MLYCD: variants seen among roughly 807,000 people sequenced by gnomAD.
MLYCD encodes malonyl-CoA decarboxylase, mitochondrial.
In MLYCD, 27 loss-of-function variants were observed where a neutral mutation model predicts 35.8. The observed-to-expected ratio is 0.75, with a 90% CI of 0.56 to 1.04. The LOEUF (loss-of-function observed/expected upper bound fraction) is 1.04, where lower values mean the gene tolerates loss of function less well. Among genes scored for constraint, MLYCD ranks in the 50% least tolerant of loss-of-function variants. The probability of loss-of-function intolerance (pLI) is 0.00; values close to 1 mark genes in which losing one functional copy is unlikely to be tolerated. For synonymous variants in MLYCD, 403 were observed against 302.4 expected (o/e 1.33, Z -3.45); for missense variants, 917 against 665.1 (o/e 1.38, Z -4.17).
In MLYCD at chr16:83,919,319, C is replaced by T. The variant is rs1355648924; in HGVS notation, c.*3830C>T. ...TTCACACAGTGCACAGGAGAACACA[C>T]ACAGTGCACAGAATTCATGCACACA... On this transcript the variant is annotated 3_prime_UTR_variant, in exon 5 of 5. Coordinates refer to ENST00000262430, the MANE Select transcript of MLYCD (RefSeq NM_012213.3). 4 of 148,842 alleles carry T rather than the reference C, an allele frequency of 2.7e-5. No homozygotes were observed. Among genetic ancestry groups the T allele is most frequent in the Non-Finnish European group, 4.4e-5 (3 of 67,672 alleles). The allele number at this position is 148,842 out of a possible 1,614,324, so 9.2% of individuals were successfully genotyped here. A position where few individuals can be genotyped will look rare whatever the true frequency, so the allele number is the denominator to read the frequency against.
rs1196557498 is a variant in MLYCD at position 83,921,697 on chromosome 16, T to G, written c.*6208T>G. On this transcript the variant is annotated 3_prime_UTR_variant, in exon 5 of 5. Transcript: ENST00000262430. ...CTCTTATCATCTGTTTACGTCTCACTCTTACTGTAGAACCTCTAGAAAGGC... is the reference window on the plus strand; with the variant it reads ...CTCTTATCATCTGTTTACGTCTCACGCTTACTGTAGAACCTCTAGAAAGGC... 1 of 152,220 alleles carries G rather than the reference T, an allele frequency of 6.6e-6. No individual in the cohort carries two copies. The highest frequency in any genetic ancestry group is 1.5e-5 in the Non-Finnish European group (1 of 68,038). The allele number at this position is 152,220 out of a possible 1,614,324, so 9.4% of individuals were successfully genotyped here.
At chr16:83,902,749 G>A (rs927970489) in intron 1 of MLYCD, among the ~76,000 whole-genome samples, 18 of 152,066 alleles carry the variant, frequency 1.2e-4, no homozygotes, top group Non-Finnish European at 2.1e-4. Context: ...CAGATGATCC[G>A]CCCGCCTTGG....
chr16:83,908,008 T>C, intron 2 of MLYCD, 118 bp from the exon 3 acceptor site: 1 of 1,292,886 alleles, frequency 7.7e-7, no homozygotes, highest in East Asian at 2.5e-5. Flanking sequence ...TCCAGAAGAG[T>C]CCATTAAAGC....
intron 1 of MLYCD, among the ~76,000 whole-genome samples, chr16:83,906,015 G>C (rs932371042): frequency 4.6e-5 from 7 of 152,134 alleles, no homozygotes; most frequent in Non-Finnish European, 7.4e-5. Flanking sequence ...GCAAAATTAG[G>C]ATAATTTCAT....
At chr16:83,902,944 T>A (rs768321132) in intron 1 of MLYCD, among the ~76,000 whole-genome samples, 33 of 152,134 alleles carry the variant, frequency 2.2e-4, no homozygotes, top group Non-Finnish European at 4.1e-4. Context: ...TAGGTGTGGG[T>A]ATGAGGATGT....
rs560874471 is a variant in MLYCD at position 83,924,462 on chromosome 16, G to T, written c.*8973G>T. ...AAGCTCCCGTGCGTCTGTGACAGAGGCTTGAACCCCCGGCTTGTTCTCTCA... is the reference window on the plus strand; with the variant it reads ...AAGCTCCCGTGCGTCTGTGACAGAGTCTTGAACCCCCGGCTTGTTCTCTCA... On this transcript the variant is annotated 3_prime_UTR_variant, in exon 5 of 5. Transcript: ENST00000262430. 1 of 152,272 alleles carries T rather than the reference G, an allele frequency of 6.6e-6. No homozygotes were observed. The highest frequency in any genetic ancestry group is 2.1e-4 in the South Asian group (1 of 4,828). 9.4% of individuals were successfully genotyped at this position (152,272 alleles called of 1,614,324 possible).
rs1179459488 is a variant in MLYCD at position 83,915,555 on chromosome 16, A to T, written c.*66A>T. On this transcript the variant is annotated 3_prime_UTR_variant, in exon 5 of 5. Coordinates refer to ENST00000262430, the MANE Select transcript of MLYCD (RefSeq NM_012213.3). ...ACGATCATTTTCAGGAGGGGCCGGG[A>T]GTTATGTATCTGAAGCAGCTTTCCA... 19 of 1,582,790 alleles carry T rather than the reference A, an allele frequency of 1.2e-5. No homozygotes were observed. The highest frequency in any genetic ancestry group is 1.6e-5 in the Non-Finnish European group (19 of 1,172,532).
At position 83,900,938 on chromosome 16, in the gene MLYCD, C is replaced by G. The variant is rs4782857; in HGVS notation, c.528+1266C>G. Among the ~76,000 whole-genome samples, 708 of 152,294 alleles carry G rather than the reference C, an allele frequency of 4.6e-3. 14 individuals carry two copies. The East Asian group carries it at 0.05, about 11-fold the overall frequency. On this transcript the variant is annotated intron_variant, in intron 1 of 4. Transcript: ENST00000262430. ...CCACCCTAATCCAGGGTTATTTGCACTACGCTTTATATCACTGTCTTACCG... is the reference window on the plus strand; with the variant it reads ...CCACCCTAATCCAGGGTTATTTGCAGTACGCTTTATATCACTGTCTTACCG...
At chr16:83,911,086 C>G (rs1264110272) in intron 3 of MLYCD, among the ~76,000 whole-genome samples, 2 of 152,182 alleles carry the variant, frequency 1.3e-5, no homozygotes, top group Admixed American at 6.5e-5. Flanking sequence ...ACACCATTCT[C>G]CTGCCTCAGC....
rs1041415869 is a variant in MLYCD at position 83,912,289 on chromosome 16, C to T, written c.870C>T (p.Ser290=). The change falls in exon 4 of 5, where the codon TCC becomes TCT. Residue 290 remains serine, a synonymous_variant. Coordinates refer to ENST00000262430, the MANE Select transcript of MLYCD (RefSeq NM_012213.3). ...KNKITAAIFY[S]ISLTQQGLQG... ...AAATCACTGCTGCGATCTTTTATTC[C>T]ATCAGCTTGACCCAGCAGGGACTCC... The T allele has an allele frequency of 1.6e-5, 26 of 1,614,058 alleles. No homozygotes were observed. The highest frequency in any genetic ancestry group is 2.2e-5 in the Non-Finnish European group (26 of 1,180,034).
intron 3 of MLYCD, chr16:83,912,001 T>C (rs1907195766): frequency 3.2e-6 from 2 of 619,810 alleles, no homozygotes; most frequent in South Asian, 3.7e-5. Context: ...GATGCAGTGC[T>C]GAGGACCCCC....
Position 83,916,139 on chromosome 16 carries a change from T to A in MLYCD, c.*650T>A. The A allele has an allele frequency of 1.0e-6, 1 of 993,246 alleles. No homozygotes were observed. Among genetic ancestry groups the A allele is most frequent in the Non-Finnish European group, 1.2e-6 (1 of 833,320 alleles). The allele number at this position is 993,246 out of a possible 1,614,324, so 61.5% of individuals were successfully genotyped here. A position where few individuals can be genotyped will look rare whatever the true frequency, so the allele number is the denominator to read the frequency against. ...AATGATCAGGGATTCAGGTTCATAA[T>A]GAACTTCACAGTAAAGAACACGTTT... On this transcript the variant is annotated 3_prime_UTR_variant, in exon 5 of 5. Coordinates refer to ENST00000262430, the MANE Select transcript of MLYCD (RefSeq NM_012213.3).
intron 1 of MLYCD, among the ~76,000 whole-genome samples, chr16:83,905,421 G>C (rs1906938874): frequency 6.6e-6 from 1 of 152,122 alleles, no homozygotes; most frequent in African/African-American, 2.4e-5. Flanking sequence ...CAAAATAACA[G>C]TGATTTGAAT....
At chr16:83,913,587 G>C (rs969197420) in intron 4 of MLYCD, 1 of 152,254 alleles carries the variant, frequency 6.6e-6, no homozygotes, top group African/African-American at 2.4e-5. Context: ...CCCAGCCGAG[G>C]CAGGCAGATC....
chr16:83,923,873 GA>G lies in MLYCD; in HGVS notation c.*8385del, dbSNP rs1907727623. The G allele has an allele frequency of 6.5e-6, 1 of 152,730 alleles. No individual in the cohort carries two copies. Among genetic ancestry groups the G allele is most frequent in the Non-Finnish European group, 1.5e-5 (1 of 68,488 alleles). 9.5% of individuals were successfully genotyped at this position (152,730 alleles called of 1,614,324 possible). A position where few individuals can be genotyped will look rare whatever the true frequency, so the allele number is the denominator to read the frequency against. ...TGGGCCGCAGGTTTTGGCAAGCCTG[GA>G]GGGGAATAGGTCAGAAAGGTAGCCC... On this transcript the variant is annotated 3_prime_UTR_variant, in exon 5 of 5. Transcript: ENST00000262430.
chr16:83,911,223 C>T (rs950386821), intron 3 of MLYCD, among the ~76,000 whole-genome samples: 1 of 152,132 alleles, frequency 6.6e-6, no homozygotes, highest in African/African-American at 2.4e-5. Flanking sequence ...CGTGATCTGC[C>T]CGCCTCGGCC....
intron 2 of MLYCD, among the ~76,000 whole-genome samples, chr16:83,907,446 C>T (rs1371143158): frequency 6.6e-6 from 1 of 152,148 alleles, no homozygotes; most frequent in African/African-American, 2.4e-5. Context: ...CGTTTGCATT[C>T]GTAATCAAAA....
Position 83,908,234 on chromosome 16 carries a change from G to C in MLYCD, c.750G>C (p.Leu250=), listed in dbSNP as rs1159213636. ...ACTGTTCGACCCCTGGGGAGCCCCTGGTCGTTTTGCACGTGGCACTGACTG... is the reference window on the plus strand; with the variant it reads ...ACTGTTCGACCCCTGGGGAGCCCCTCGTCGTTTTGCACGTGGCACTGACTG... ...FSHCSTPGEP[L]VVLHVALTGD... Residue 250 remains leucine (L), a synonymous_variant, in exon 3 of 5, where the codon CTG becomes CTC. Transcript: ENST00000262430. 6 of 1,614,062 alleles carry C rather than the reference G, an allele frequency of 3.7e-6. No homozygotes were observed. In the Admixed American group the frequency reaches 6.7e-5, roughly 18 times the overall value.
chr16:83,904,844 C>T (rs1015063376), intron 1 of MLYCD, among the ~76,000 whole-genome samples: 38 of 152,182 alleles, frequency 2.5e-4, no homozygotes, highest in Non-Finnish European at 4.9e-4. Flanking sequence ...TCAAAAGTTC[C>T]TCTTTACACT....
Sources: gnomAD v4.1 joint callset for allele counts (sites outside exome capture counted in the v4.1 genomes callset) on GRCh38, gnomAD v4.1.1 for gene constraint, MANE v1.5 for transcripts, NCBI Gene and HGNC (gene_info 2026-07-23, HGNC 2026-07-21) for gene names.